Variants in ARAP1 observed in about 807,000 individuals in gnomAD.
ARAP1 encodes arf-GAP with Rho-GAP domain, ANK repeat and PH domain-containing protein 1.
ARAP1 carries 76 observed loss-of-function variants against 172.2 expected under a neutral mutation model. That is an observed-to-expected ratio of 0.44 (90% CI 0.37 to 0.53). The LOEUF (loss-of-function observed/expected upper bound fraction) is 0.53, where lower values mean the gene tolerates loss of function less well. ARAP1 is among the 20% of genes least tolerant of loss of function. The pLI, the probability that ARAP1 is intolerant of heterozygous loss-of-function variation, is 0.00. For synonymous variants in ARAP1, 804 were observed against 803.3 expected (o/e 1.00, Z -0.01); for missense variants, 1,686 against 1,977.5 (o/e 0.85, Z 2.80).
At chr11:72,743,737 G>A (rs1858272873) in intron 1 of ARAP1, among the ~76,000 whole-genome samples, 1 of 152,080 alleles carries the variant, frequency 6.6e-6, no homozygotes, top group Admixed American at 6.5e-5. Context: ...CTTAAACACT[G>A]CTGGGGATGC....
At chr11:72,721,760 C>T in intron 3 of ARAP1, 1 of 982,114 alleles carries the variant, frequency 1.0e-6, no homozygotes, top group Non-Finnish European at 1.2e-6. Context: ...GAAAACCAGG[C>T]CAGAGGTGAC....
chr11:72,751,760 G>A (rs1800771890), intron 1 of ARAP1, among the ~76,000 whole-genome samples: 1 of 149,470 alleles, frequency 6.7e-6, no homozygotes, highest in Admixed American at 6.7e-5. Context: ...CCTGCCCCCA[G>A]GCTGCACCCT....
At position 72,696,966 on chromosome 11, in the gene ARAP1, C is replaced by T. The variant is rs763234625; in HGVS notation, c.3166+17G>A. The T allele has an allele frequency of 5.3e-5, 84 of 1,595,792 alleles. No homozygotes were observed. The highest frequency in any genetic ancestry group is 6.8e-5 in the Non-Finnish European group (80 of 1,176,134). On this transcript the variant is annotated intron_variant, in intron 22 of 34. Transcript: ENST00000393609. ...GGGTGGAGGAGGAGGAGGCTGGGCA[C>T]GGGCTGCAGGGCCCACCTGAGGCCT...
intron 3 of ARAP1, chr11:72,722,140 G>C (rs896745554): frequency 1.0e-6 from 1 of 984,828 alleles, no homozygotes; most frequent in Non-Finnish European, 1.2e-6. Flanking sequence ...GATCTGTCCA[G>C]GAGGAAAGGA....
At chr11:72,694,313 C>G (rs1467535832) in intron 27 of ARAP1, among the ~76,000 whole-genome samples, 1 of 151,832 alleles carries the variant, frequency 6.6e-6, no homozygotes, top group African/African-American at 2.4e-5. Context: ...ATTCACTAGC[C>G]CTCCGATGGT....
At chr11:72,686,459 G>C (rs766469388) in intron 33 of ARAP1, among the ~76,000 whole-genome samples, 3 of 152,144 alleles carry the variant, frequency 2.0e-5, no homozygotes, top group Non-Finnish European at 4.4e-5. Flanking sequence ...AGAGGAACAC[G>C]TCTGCACCCC....
At chr11:72,730,214 T>G (rs1198673216) in intron 2 of ARAP1, among the ~76,000 whole-genome samples, 1 of 151,928 alleles carries the variant, frequency 6.6e-6, no homozygotes, top group Non-Finnish European at 1.5e-5. Context: ...ATGAAAAAAT[T>G]TACAAAAAGG....
At chr11:72,718,642 G>T (rs1857384675) in intron 3 of ARAP1, among the ~76,000 whole-genome samples, 1 of 152,074 alleles carries the variant, frequency 6.6e-6, no homozygotes, top group Non-Finnish European at 1.5e-5. Flanking sequence ...GAACCCACCT[G>T]CTTACCCACT....
Position 72,696,690 on chromosome 11 carries a change from T to G in ARAP1, c.3167-36A>C, listed in dbSNP as rs576342514. ...AAGATAAATCAAGTCAGAAACCCCCTGTAACTATCTTCCCCCCACCCCGCC... is the reference window on the plus strand; with the variant it reads ...AAGATAAATCAAGTCAGAAACCCCCGGTAACTATCTTCCCCCCACCCCGCC... On this transcript the variant is annotated intron_variant, in intron 22 of 34. Transcript: ENST00000393609. 22 of 1,521,326 alleles carry G rather than the reference T, an allele frequency of 1.4e-5. No homozygotes were observed. The South Asian group carries it at 2.1e-4, about 14-fold the overall frequency. The allele number at this position is 1,521,326 out of a possible 1,614,324, so 94.2% of individuals were successfully genotyped here.
chr11:72,739,826 C>T (rs1442323686), intron 1 of ARAP1, among the ~76,000 whole-genome samples: 1 of 152,190 alleles, frequency 6.6e-6, no homozygotes. Context: ...TAGACTCCCT[C>T]CACATCCTGA....
intron 31 of ARAP1, 87 bp from the exon 32 acceptor site, chr11:72,687,825 C>CAGCCAG (rs1855755254): frequency 3.4e-6 from 5 of 1,474,756 alleles, no homozygotes; most frequent in South Asian, 1.1e-5. Flanking sequence ...CCAGAAGCCA[C>CAGCCAG]AGCCAGAGCC....
chr11:72,694,143 C>T (rs572125517), intron 27 of ARAP1, among the ~76,000 whole-genome samples: 8 of 151,670 alleles, frequency 5.3e-5, no homozygotes, highest in South Asian at 4.2e-4. Flanking sequence ...CCTCCTCCCT[C>T]TCCCAATCCA....
In ARAP1 at chr11:72,693,741, G is replaced by C. The variant is rs371721771; in HGVS notation, c.3759C>G (p.His1253Gln). ...TGGCCTGGTGCTTCTTCACCACCAG[G>C]TGGCTGTCCGTGCCCAGCCCGTGCA... ...PILHGLGTDS[H>Q]LVVKKHQAME... is the part of the protein sequence containing the mutation. The change falls in exon 28 of 35, where the codon CAC (histidine) becomes CAG (glutamine). Residue 1253 changes from histidine (H) to glutamine (Q), a missense_variant. This residue lies in a region of ARAP1 where 379 missense variants were observed against 500.1 expected (regional missense o/e 0.76). Transcript: ENST00000393609. The surrounding 1 kb of genome is among the most constrained non-coding windows in gnomAD (Gnocchi z 4.6). The C allele has an allele frequency of 3.7e-6, 6 of 1,610,820 alleles. No homozygotes were observed. In the African/African-American group the frequency reaches 8.0e-5, roughly 22 times the overall value.
In ARAP1 at chr11:72,716,172, CAAAAAAAAAAA is replaced by C. The variant is rs201462857; in HGVS notation, c.510-1862_510-1852del. 2.7e-4 allele frequency among the ~76,000 whole-genome samples: 20 copies of C among 73,292 alleles called. 1 individual carries two copies. Among genetic ancestry groups the C allele is most frequent in the East Asian group, 4.9e-4 (1 of 2,022 alleles). The allele number at this position is 73,292 out of a possible 152,430, so 48.1% of individuals were successfully genotyped here. A position where few individuals can be genotyped will look rare whatever the true frequency, so the allele number is the denominator to read the frequency against. ...TGGGGGACAGAGCAAGACTCCGTCT[CAAAAAAAAAAA>C]AAAAAAAAAAAAGATCTTCATACAA... On this transcript the variant is annotated intron_variant, in intron 3 of 34. Transcript: ENST00000393609.
rs1355429677 is a variant in ARAP1, at chr11:72,698,249, G to A, written c.2542-143C>T. The stretch of plus-strand genomic sequence containing the variant: ...TCCCCAAGGCAGAACCAAGCCCAGT[G>A]ATGGAACTTGGGTACCATGCCCCAC... On this transcript the variant is annotated intron_variant, in intron 18 of 34. Coordinates refer to ENST00000393609, the MANE Select transcript of ARAP1 (RefSeq NM_001040118.3). 7.9e-5 allele frequency: 82 copies of A among 1,037,582 alleles called. No individual in the cohort carries two copies. In the South Asian group the frequency reaches 1.2e-3, roughly 16 times the overall value. 64.3% of individuals were successfully genotyped at this position (1,037,582 alleles called of 1,614,324 possible). A position where few individuals can be genotyped will look rare whatever the true frequency, so the allele number is the denominator to read the frequency against.
At chr11:72,724,051 T>C (rs1288851442) in intron 3 of ARAP1, among the ~76,000 whole-genome samples, 1 of 152,312 alleles carries the variant, frequency 6.6e-6, no homozygotes, top group African/African-American at 2.4e-5. Context: ...TAAACTCACA[T>C]ACACACCACT....
intron 3 of ARAP1, among the ~76,000 whole-genome samples, chr11:72,719,318 G>C (rs993655977): frequency 1.3e-5 from 2 of 152,196 alleles, no homozygotes; most frequent in South Asian, 2.1e-4. Flanking sequence ...AGTTAAAAGA[G>C]GCACTATTAA....
In ARAP1 at chr11:72,693,948, ACCAC is replaced by A; in HGVS notation, c.3695-147_3695-144del. ...CACGACACAAAACACCACCATCATG[ACCAC>A]CCTTCCCATGACCAAGCTTCAGGCT... is the stretch of plus-strand genomic sequence containing the variant. On this transcript the variant is annotated intron_variant, in intron 27 of 34. Coordinates refer to ENST00000393609, the MANE Select transcript of ARAP1 (RefSeq NM_001040118.3). The surrounding 1 kb of genome is among the most constrained non-coding windows in gnomAD (Gnocchi z 4.6). The A allele has an allele frequency of 1.5e-6, 1 of 649,508 alleles. No individual in the cohort carries two copies. The highest frequency in any genetic ancestry group is 2.6e-6 in the Non-Finnish European group (1 of 383,506). 40.2% of individuals were successfully genotyped at this position (649,508 alleles called of 1,614,324 possible). A position where few individuals can be genotyped will look rare whatever the true frequency, so the allele number is the denominator to read the frequency against.
At chr11:72,743,808 C>A (rs2135592617) in intron 1 of ARAP1, among the ~76,000 whole-genome samples, 1 of 152,164 alleles carries the variant, frequency 6.6e-6, no homozygotes, top group African/African-American at 2.4e-5. Context: ...CAGACCAGGG[C>A]AGAACCACCC....
Sources: gnomAD v4.1 joint callset for allele counts (sites outside exome capture counted in the v4.1 genomes callset) on GRCh38, gnomAD v4.1.1 for gene constraint, gnomAD v4.1.1 regional missense constraint, Gnocchi (gnomAD v3.1) non-coding constraint, MANE v1.5 for transcripts, NCBI Gene and HGNC (gene_info 2026-07-23, HGNC 2026-07-21) for gene names.